CFAP221: variants seen among roughly 807,000 people sequenced by gnomAD.
CFAP221 encodes cilia and flagella associated protein 221.
A neutral mutation model predicts 113.1 loss-of-function variants in CFAP221; 97 were observed. The ratio of observed to expected loss-of-function variants is 0.86; its 90% CI spans 0.73 to 1.02. CFAP221 has a LOEUF of 1.02. Ranked by LOEUF, CFAP221 falls within the 50% of genes least tolerant of loss-of-function variation. The pLI, the probability that CFAP221 is intolerant of heterozygous loss-of-function variation, is 0.00. For missense variants in CFAP221, 1,025 were observed against 1,013.4 expected (o/e 1.01, Z -0.16); for synonymous variants, 331 against 354.4 (o/e 0.93, Z 0.74).
intron 8 of CFAP221, chr2:119,602,690 C>T (rs758035951): frequency 8.1e-6 from 8 of 985,218 alleles, no homozygotes; most frequent in Admixed American, 6.2e-5. Context: ...TCATTGAAAT[C>T]ACTCGGGCAA....
At chr2:119,615,307 A>G (rs1301793554) in intron 13 of CFAP221, among the ~76,000 whole-genome samples, 1 of 152,182 alleles carries the variant, frequency 6.6e-6, no homozygotes, top group Non-Finnish European at 1.5e-5. Context: ...CACTGTCAGC[A>G]CCACCACATG....
chr2:119,638,081 A>G lies in CFAP221; in HGVS notation c.1975-178A>G, dbSNP rs939770. The G allele has an allele frequency of 0.99, 460,305 of 465,642 alleles. 227,843 individuals carry two copies. The highest frequency in any genetic ancestry group is 1 in the Non-Finnish European group (270,342 of 270,470). The allele number at this position is 465,642 out of a possible 1,614,324, so 28.8% of individuals were successfully genotyped here. On this transcript the variant is annotated intron_variant, in intron 19 of 23. Transcript: ENST00000413369. ...ATTTATGAATGACTATGATTTTTTA[A>G]ACGCTGCCGACTTGAAGACACCTCT...
At chr2:119,651,788 C>T (rs921955645) in intron 22 of CFAP221, among the ~76,000 whole-genome samples, 186 bp from the exon 23 acceptor site, 1 of 152,132 alleles carries the variant, frequency 6.6e-6, no homozygotes, top group Non-Finnish European at 1.5e-5. Flanking sequence ...TTATGCCTAC[C>T]ATTGTTTGTT....
At chr2:119,559,890 C>T in intron 4 of CFAP221, 38 bp from the exon 5 acceptor site, 1 of 1,510,052 alleles carries the variant, frequency 6.6e-7, no homozygotes, top group Non-Finnish European at 8.9e-7. Flanking sequence ...TCTGTGCAGT[C>T]CGGGGCTTGT....
At chr2:119,642,730 T>C (rs570690193) in intron 21 of CFAP221, among the ~76,000 whole-genome samples, 7 of 152,086 alleles carry the variant, frequency 4.6e-5, no homozygotes, top group African/African-American at 1.4e-4. Context: ...TGTAGAGATA[T>C]GGTTTTGCTA....
In CFAP221 at chr2:119,656,553, C is replaced by G; in HGVS notation, c.*83C>G. The G allele has an allele frequency of 1.2e-6, 1 of 860,850 alleles. No individual in the cohort carries two copies. The highest frequency in any genetic ancestry group is 1.9e-6 in the Non-Finnish European group (1 of 530,750). The allele number at this position is 860,850 out of a possible 1,614,324, so 53.3% of individuals were successfully genotyped here. On this transcript the variant is annotated 3_prime_UTR_variant, in exon 24 of 24. Transcript: ENST00000413369. The stretch of plus-strand genomic sequence containing the variant: ...GCGTCCATTTACATGCCAGCCATCT[C>G]TGCAATTAAAGTTTCTGGATAAAAA...
intron 6 of CFAP221, among the ~76,000 whole-genome samples, chr2:119,581,520 C>A (rs2104599302): frequency 6.6e-6 from 1 of 152,172 alleles, no homozygotes; most frequent in Admixed American, 6.5e-5. Context: ...CAGGAATTCA[C>A]CCAGTATAGA....
At position 119,549,123 on chromosome 2, in the gene CFAP221, G is replaced by T. The variant is rs1680249558; in HGVS notation, c.178G>T (p.Ala60Ser). 4 of 1,534,770 alleles carry T rather than the reference G, an allele frequency of 2.6e-6. No homozygotes were observed. Among genetic ancestry groups the T allele is most frequent in the Non-Finnish European group, 3.5e-6 (4 of 1,146,476 alleles). Residue 60 changes from alanine (A) to serine (S), a missense_variant, in exon 3 of 24, where the codon GCA becomes TCA. By Grantham distance (99) the Ala-to-Ser change is moderately conservative (BLOSUM62 1). Coordinates refer to ENST00000413369, the MANE Select transcript of CFAP221 (RefSeq NM_001271049.2). Reference protein sequence around the residue: ...AKLVNNKVIQARPGIIHFGGY... With the variant: ...AKLVNNKVIQSRPGIIHFGGY... ...ACTTGTGAATAATAAGGTCATACAG[G>T]CAAGACCTGGCATAATACATTTTGG...
intron 12 of CFAP221, among the ~76,000 whole-genome samples, chr2:119,609,667 A>G (rs1417145562): frequency 6.6e-6 from 1 of 152,186 alleles, no homozygotes; most frequent in Non-Finnish European, 1.5e-5. Flanking sequence ...ATACCATCAC[A>G]TGCTGAGTTC....
intron 3 of CFAP221, among the ~76,000 whole-genome samples, chr2:119,556,463 A>G (rs1680806762): frequency 6.6e-6 from 1 of 152,208 alleles, no homozygotes; most frequent in African/African-American, 2.4e-5. Flanking sequence ...AACTATAGTC[A>G]AATAATGTAT....
At position 119,629,857 on chromosome 2, in the gene CFAP221, T is replaced by C. The variant is rs1686642392; in HGVS notation, c.1651-18T>C. On this transcript the variant is annotated intron_variant, in intron 16 of 23. Transcript: ENST00000413369. Reference sequence around the variant, plus strand: ...CTCAGTGGTGATTGTTCTCTTTTTTTCTCCTTTCACATTTTAGGCTCCTGA... The same window carrying C: ...CTCAGTGGTGATTGTTCTCTTTTTTCCTCCTTTCACATTTTAGGCTCCTGA... 2 of 1,589,342 alleles carry C rather than the reference T, an allele frequency of 1.3e-6. No individual in the cohort carries two copies. The highest frequency in any genetic ancestry group is 2.2e-5 in the East Asian group (1 of 44,752).
intron 6 of CFAP221, among the ~76,000 whole-genome samples, chr2:119,565,192 G>T (rs1023554986): frequency 6.6e-6 from 1 of 151,928 alleles, no homozygotes; most frequent in Non-Finnish European, 1.5e-5. Context: ...TCCTGTGTTC[G>T]CTCACTCCTC....
chr2:119,655,997 C>T (rs2104827038), intron 23 of CFAP221: 1 of 231,578 alleles, frequency 4.3e-6, no homozygotes, highest in East Asian at 1.0e-4. Context: ...AACCAGCCAG[C>T]ATTGACTGAG....
intron 7 of CFAP221, among the ~76,000 whole-genome samples, chr2:119,594,242 ATT>A (rs571436967): frequency 6.9e-6 from 1 of 144,910 alleles, no homozygotes; most frequent in African/African-American, 2.5e-5. Flanking sequence ...TTTCATGTGT[ATT>A]TTTTTTTTTT....
intron 14 of CFAP221, among the ~76,000 whole-genome samples, chr2:119,623,627 G>C (rs1310074253): frequency 6.6e-6 from 1 of 152,104 alleles, no homozygotes; most frequent in Non-Finnish European, 1.5e-5. Context: ...ATACTACAAG[G>C]CTACAGTAAC....
At chr2:119,617,083 T>C (rs890989896) in intron 14 of CFAP221, among the ~76,000 whole-genome samples, 1 of 152,220 alleles carries the variant, frequency 6.6e-6, no homozygotes, top group African/African-American at 2.4e-5. Flanking sequence ...AGGACAATAA[T>C]GAGACCTGTC....
At chr2:119,551,667 T>C (rs1680443867) in intron 3 of CFAP221, among the ~76,000 whole-genome samples, 2 of 152,178 alleles carry the variant, frequency 1.3e-5, no homozygotes, top group Non-Finnish European at 2.9e-5. Context: ...TTGTGGTAAA[T>C]TTTGAAATCA....
chr2:119,590,475 G>A (rs568588761), intron 7 of CFAP221, among the ~76,000 whole-genome samples: 2 of 152,258 alleles, frequency 1.3e-5, no homozygotes, highest in East Asian at 3.9e-4. Context: ...TACCCTGCCT[G>A]TTGAGGTTCA....
chr2:119,579,993 A>C (rs1052046258), intron 6 of CFAP221, among the ~76,000 whole-genome samples: 1 of 152,148 alleles, frequency 6.6e-6, no homozygotes, highest in Non-Finnish European at 1.5e-5. Flanking sequence ...GGGCCTTTCA[A>C]CACTTCACAT....
Sources: gnomAD v4.1 joint callset for allele counts (sites outside exome capture counted in the v4.1 genomes callset) on GRCh38, gnomAD v4.1.1 for gene constraint, MANE v1.5 for transcripts, NCBI Gene and HGNC (gene_info 2026-07-23, HGNC 2026-07-21) for gene names.